The following CHM variants were observed in gnomAD, a reference collection of about 807,000 sequenced individuals.
The protein encoded by CHM is CHM Rab escort protein, also known as rab proteins geranylgeranyltransferase component A 1.
A neutral mutation model predicts 49.0 loss-of-function variants in CHM; 10 were observed. The observed-to-expected ratio is 0.20, with a 90% CI of 0.13 to 0.35. The LOEUF (loss-of-function observed/expected upper bound fraction) is 0.35. Among genes scored for constraint, CHM ranks in the 10% least tolerant of loss-of-function variants. The probability of loss-of-function intolerance (pLI) is 1.00; values close to 1 mark genes in which losing one functional copy is unlikely to be tolerated. For synonymous variants in CHM, 184 were observed against 167.5 expected (o/e 1.10, Z -0.76); for missense variants, 455 against 478.4 (o/e 0.95, Z 0.46).
At chrX:86,017,080 T>C (rs1161108676) in intron 2 of CHM, among the ~76,000 whole-genome samples, 2 of 112,674 alleles carry the variant, frequency 1.8e-5, no homozygotes, top group Non-Finnish European at 3.8e-5. Flanking sequence ...CATTTTGCTA[T>C]GGCACATTTC....
chrX:86,025,857 C>A (rs1438995509), intron 2 of CHM, among the ~76,000 whole-genome samples: 1 of 110,854 alleles, frequency 9.0e-6, no homozygotes, highest in Admixed American at 9.6e-5. Flanking sequence ...TGGGATAACA[C>A]CACCTACCTT....
chrX:85,872,231 T>C (rs1924119710), intron 14 of CHM, among the ~76,000 whole-genome samples: 1 of 112,340 alleles, frequency 8.9e-6, no homozygotes, highest in South Asian at 3.7e-4. Flanking sequence ...TCTGTGGTCT[T>C]AGAACAATGT....
At chrX:85,903,004 GTA>G (rs1169268366) in intron 9 of CHM, among the ~76,000 whole-genome samples, 2 of 111,512 alleles carry the variant, frequency 1.8e-5, no homozygotes. Context: ...ACCCTTCACT[GTA>G]TATAAATTTA....
chrX:85,938,532 G>T (rs73506420), intron 8 of CHM, among the ~76,000 whole-genome samples: 3,539 of 107,537 alleles, frequency 0.033, 160 homozygotes, highest in African/African-American at 0.11. Flanking sequence ...GTATATCTCA[G>T]TGGTTCCTAA....
intron 2 of CHM, among the ~76,000 whole-genome samples, chrX:85,982,239 C>T (rs1311388761): frequency 9.0e-6 from 1 of 110,581 alleles, no homozygotes; most frequent in Non-Finnish European, 1.9e-5. Flanking sequence ...TCCTCCACCA[C>T]CACCTCCGCC....
intron 8 of CHM, among the ~76,000 whole-genome samples, chrX:85,955,164 T>C (rs759469838): frequency 9.0e-6 from 1 of 111,578 alleles, no homozygotes; most frequent in African/African-American, 3.3e-5. Flanking sequence ...TTAGAAAGAA[T>C]GAATAAAATC....
intron 8 of CHM, among the ~76,000 whole-genome samples, chrX:85,931,378 G>T (rs929447802): frequency 9.0e-6 from 1 of 111,235 alleles, no homozygotes; most frequent in Non-Finnish European, 1.9e-5. Context: ...AGACCAGTTC[G>T]ATTTGCTTTA....
intron 11 of CHM, among the ~76,000 whole-genome samples, chrX:85,899,207 G>A (rs1926092825): frequency 9.0e-6 from 1 of 111,300 alleles, no homozygotes; most frequent in African/African-American, 3.3e-5. Flanking sequence ...TAAGAGGTCT[G>A]ACTGAGGAAA....
rs779647705 is a variant in CHM at position 85,963,122 on chromosome X, G to A, written c.702+543C>T. On this transcript the variant is annotated intron_variant, in intron 5 of 14. Transcript: ENST00000357749. ...CCATCAACCCGTCATCTACATACCC[G>A]TCATCTACATACCCATCATCTACAT... is the stretch of plus-strand genomic sequence containing the variant. Among the ~76,000 whole-genome samples the A allele has an allele frequency of 5.4e-5, 6 of 111,207 alleles. No individual in the cohort carries two copies. In the East Asian group the frequency reaches 1.1e-3, roughly 21 times the overall value.
At position 85,864,616 on chromosome X, in the gene CHM, T is replaced by C; in HGVS notation, c.*14A>G. The C allele has an allele frequency of 8.4e-7, 1 of 1,193,855 alleles. No individual in the cohort carries two copies. Among genetic ancestry groups the C allele is most frequent in the South Asian group, 1.8e-5 (1 of 55,993 alleles). On this transcript the variant is annotated 3_prime_UTR_variant, in exon 15 of 15. Transcript: ENST00000357749. ...GAATTTCCAAAGTTGGGTATCCAGT[T>C]TGGTGTATATCCATTATTCAGAGGA... is the stretch of plus-strand genomic sequence containing the variant.
chrX:85,880,726 T>C (rs2148128246), intron 12 of CHM, among the ~76,000 whole-genome samples: 1 of 111,836 alleles, frequency 8.9e-6, no homozygotes, highest in African/African-American at 3.2e-5. Context: ...AAGATTATCA[T>C]CTCATGATTA....
At chrX:85,891,757 C>T (rs375227382) in intron 12 of CHM, among the ~76,000 whole-genome samples, 51 of 112,087 alleles carry the variant, frequency 4.6e-4, no homozygotes, top group South Asian at 2.3e-3. Context: ...CCTAGTGGAG[C>T]TGTGAGAAGA....
At position 85,949,604 on chromosome X, in the gene CHM, T is replaced by C. The variant is rs1001776017; in HGVS notation, c.1166+6549A>G. On this transcript the variant is annotated intron_variant, in intron 8 of 14. Transcript: ENST00000357749. ...AGTTGATAGAAGGACCTTTGGTTCC[T>C]GGGGGACATGGCACTCCCCATTTAT... Among the ~76,000 whole-genome samples, 4 of 110,847 alleles carry C rather than the reference T, an allele frequency of 3.6e-5. No individual in the cohort carries two copies. In the Admixed American group the frequency reaches 3.9e-4, roughly 11 times the overall value.
chrX:85,864,484 G>A lies in CHM; in HGVS notation c.*146C>T. The A allele has an allele frequency of 1.9e-6, 1 of 529,979 alleles. No homozygotes were observed. Among genetic ancestry groups the A allele is most frequent in the Non-Finnish European group, 3.3e-6 (1 of 304,378 alleles). 43.7% of individuals were successfully genotyped at this position (529,979 alleles called of 1,213,427 possible). On this transcript the variant is annotated 3_prime_UTR_variant, in exon 15 of 15. Transcript: ENST00000357749. ...TGTGTTCTTGGAATGTCCTCTATAA[G>A]GAAAATCCCCTTTTGGATTTCTATT...
At chrX:85,968,525 T>C (rs1449343152) in intron 4 of CHM, among the ~76,000 whole-genome samples, 1 of 111,902 alleles carries the variant, frequency 8.9e-6, no homozygotes. Flanking sequence ...TCAAAACCAA[T>C]TATGATAATT....
In CHM at chrX:85,879,066, G is replaced by A. The variant is rs1272024877; in HGVS notation, c.1511-3C>T. 8.8e-7 allele frequency: 1 copy of A among 1,133,122 alleles called. No individual in the cohort carries two copies. The allele number at this position is 1,133,122 out of a possible 1,213,427, so 93.4% of individuals were successfully genotyped here. ...TGTGCAAGTCAAATGAACCAAATCT[G>A]TTAAAAAAAAAATATTTGAGTTCCT... On this transcript the variant is annotated splice_region_variant and splice_polypyrimidine_tract_variant and intron_variant, in intron 12 of 14. Coordinates refer to ENST00000357749, the MANE Select transcript of CHM (RefSeq NM_000390.4).
chrX:85,941,061 T>C (rs150911319), intron 8 of CHM, among the ~76,000 whole-genome samples: 2 of 112,027 alleles, frequency 1.8e-5, no homozygotes, highest in East Asian at 5.6e-4. Flanking sequence ...GTACATCCAC[T>C]ATACCTAGAA....
Position 85,956,277 on chromosome X carries a change from C to A in CHM, c.1042G>T (p.Ala348Ser). The change falls in exon 8 of 15, where the codon GCC becomes TCC. Residue 348 changes from alanine to serine, a missense_variant. Ala to Ser is a moderately conservative substitution (Grantham distance 99). Coordinates refer to ENST00000357749, the MANE Select transcript of CHM (RefSeq NM_000390.4). ...TTGAGACCATCTATGGTGCTGCTGGCTGTCTCTGATGTCATTGCAATTGAA... is the reference window on the plus strand; with the variant it reads ...TTGAGACCATCTATGGTGCTGCTGGATGTCTCTGATGTCATTGCAATTGAA... ...MHSIAMTSET[A>S]SSTIDGLKAT... 1 of 1,211,517 alleles carries A rather than the reference C, an allele frequency of 8.3e-7. No homozygotes were observed. Among genetic ancestry groups the A allele is most frequent in the Non-Finnish European group, 1.1e-6 (1 of 895,343 alleles).
intron 8 of CHM, among the ~76,000 whole-genome samples, chrX:85,939,896 G>A (rs1242424613): frequency 8.9e-6 from 1 of 111,765 alleles, no homozygotes; most frequent in Non-Finnish European, 1.9e-5. Flanking sequence ...CAAAACATGA[G>A]TAATAAGATT....
Sources: gnomAD v4.1 joint callset for allele counts (sites outside exome capture counted in the v4.1 genomes callset) on GRCh38, gnomAD v4.1.1 for gene constraint, MANE v1.5 for transcripts, NCBI Gene and HGNC (gene_info 2026-07-23, HGNC 2026-07-21) for gene names.